Variants in EPB41L5 observed in about 807,000 individuals in gnomAD.
The protein encoded by EPB41L5 is erythrocyte membrane protein band 4.1 like 5.
Under a neutral mutation model 106.6 loss-of-function variants are expected in EPB41L5, and 55 were observed. The observed-to-expected ratio is 0.52, with a 90% CI of 0.42 to 0.65. The LOEUF (loss-of-function observed/expected upper bound fraction) is 0.65, where lower values mean the gene tolerates loss of function less well. EPB41L5 is among the 30% of genes least tolerant of loss of function. EPB41L5 has a pLI of 0.00. For missense variants in EPB41L5, 871 were observed against 882.1 expected (o/e 0.99, Z 0.16); for synonymous variants, 297 against 306.7 (o/e 0.97, Z 0.33).
At chr2:120,036,154 CCT>C (rs1679025944) in intron 2 of EPB41L5, among the ~76,000 whole-genome samples, 1 of 152,132 alleles carries the variant, frequency 6.6e-6, no homozygotes, top group African/African-American at 2.4e-5. Flanking sequence ...AAGTTTCTCA[CCT>C]CTAAAAATCC....
chr2:120,027,302 T>A (rs1386986655), intron 2 of EPB41L5, among the ~76,000 whole-genome samples: 1 of 152,196 alleles, frequency 6.6e-6, no homozygotes, highest in African/African-American at 2.4e-5. Flanking sequence ...TGCTCATCAA[T>A]AGGTAAATGG....
intron 3 of EPB41L5, among the ~76,000 whole-genome samples, chr2:120,051,772 A>C (rs566852736): frequency 6.6e-6 from 1 of 152,198 alleles, no homozygotes; most frequent in South Asian, 2.1e-4. Context: ...TTCTCTCTAC[A>C]CTGGGTGATG....
chr2:120,161,093 A>G (rs983792801), intron 21 of EPB41L5, 119 bp downstream of exon 21: 3 of 742,804 alleles, frequency 4.0e-6, no homozygotes, highest in Non-Finnish European at 7.0e-6. Flanking sequence ...ATGTGAGAAG[A>G]GCAGCCGAGC....
chr2:120,159,582 G>A (rs1460378272), intron 20 of EPB41L5, among the ~76,000 whole-genome samples: 1 of 151,922 alleles, frequency 6.6e-6, no homozygotes, highest in African/African-American at 2.4e-5. Context: ...CCAAAAAAAA[G>A]CCCAAATAGC....
At chr2:120,065,358 C>T (rs967731109) in intron 3 of EPB41L5, among the ~76,000 whole-genome samples, 5 of 151,882 alleles carry the variant, frequency 3.3e-5, no homozygotes, top group Admixed American at 6.6e-5. Context: ...TGGCCTCAAA[C>T]GATGCCCCTG....
intron 2 of EPB41L5, among the ~76,000 whole-genome samples, chr2:120,038,195 A>G (rs1056048923): frequency 1.3e-5 from 2 of 152,214 alleles, no homozygotes; most frequent in Non-Finnish European, 2.9e-5. Context: ...ACCAAAAGCC[A>G]ATTCGAAAAT....
intron 2 of EPB41L5, among the ~76,000 whole-genome samples, chr2:120,025,315 G>A (rs1406114553): frequency 1.3e-5 from 2 of 152,140 alleles, no homozygotes; most frequent in Non-Finnish European, 2.9e-5. Context: ...ATGGTAGTTT[G>A]TATTTCTGTG....
chr2:120,151,536 C>T (rs1686673234), intron 20 of EPB41L5, among the ~76,000 whole-genome samples: 1 of 151,728 alleles, frequency 6.6e-6, no homozygotes, highest in African/African-American at 2.4e-5. Context: ...TACAAAACAC[C>T]ACTGACCTCA....
Position 120,022,701 on chromosome 2 carries a change from A to G in EPB41L5, c.180+3437A>G, listed in dbSNP as rs901898303. ...ATAATTCTTTGGGTATATACCCAGTAATGGAATTGCTGAGTCAGGTGATAT... is the reference window on the plus strand; with the variant it reads ...ATAATTCTTTGGGTATATACCCAGTGATGGAATTGCTGAGTCAGGTGATAT... On this transcript the variant is annotated intron_variant, in intron 2 of 24. Coordinates refer to ENST00000263713, the MANE Select transcript of EPB41L5 (RefSeq NM_020909.4). Among the ~76,000 whole-genome samples, 4 of 152,182 alleles carry G rather than the reference A, an allele frequency of 2.6e-5. No individual in the cohort carries two copies. The South Asian group carries it at 6.2e-4, about 24-fold the overall frequency.
intron 2 of EPB41L5, among the ~76,000 whole-genome samples, chr2:120,028,338 A>T (rs550057632): frequency 1.4e-4 from 22 of 152,084 alleles, no homozygotes; most frequent in African/African-American, 5.3e-4. Context: ...GAGTTTGACT[A>T]GTCTGGGCAA....
chr2:120,134,991 G>C (rs911544519), intron 18 of EPB41L5, among the ~76,000 whole-genome samples: 1 of 152,124 alleles, frequency 6.6e-6, no homozygotes, highest in Non-Finnish European at 1.5e-5. Context: ...GACAGAGAGA[G>C]ATATGTGACC....
chr2:120,165,967 C>CAAAAAA (rs536664071), intron 22 of EPB41L5, among the ~76,000 whole-genome samples: 4 of 27,986 alleles, frequency 1.4e-4, no homozygotes, highest in East Asian at 1.9e-3. Flanking sequence ...GACTCCGTCT[C>CAAAAAA]AAAAAAAAAA....
chr2:120,177,121 A>AT lies in EPB41L5; in HGVS notation c.*2214_*2215insT, dbSNP rs1687947813. 6.6e-6 allele frequency: 1 copy of AT among 152,300 alleles called. No individual in the cohort carries two copies. The highest frequency in any genetic ancestry group is 2.4e-5 in the African/African-American group (1 of 41,470). The allele number at this position is 152,300 out of a possible 1,614,324, so 9.4% of individuals were successfully genotyped here. A position where few individuals can be genotyped will look rare whatever the true frequency, so the allele number is the denominator to read the frequency against. ...CATAGCTGCTGCTGCTGCCATGCGC[A>AT]GAGCTGCTGTAACAGCTCTTCCTGT... On this transcript the variant is annotated 3_prime_UTR_variant, in exon 25 of 25. Transcript: ENST00000263713.
In EPB41L5 at chr2:120,127,739, G is replaced by A. The variant is rs116902213; in HGVS notation, c.1389G>A (p.Thr463=). Residue 463 remains threonine, a synonymous_variant, in exon 17 of 25, where the codon ACG becomes ACA. Transcript: ENST00000263713. The part of the protein sequence containing the change: ...LLNSPDLLEA[T]IGDVIGASDT... ...ATAGCCCAGACTTATTGGAAGCAAC[G>A]ATTGGTGATGTAATTGGGGCATCTG... is the stretch of plus-strand genomic sequence containing the variant. The A allele has an allele frequency of 1.5e-5, 24 of 1,613,614 alleles. No homozygotes were observed. The highest frequency in any genetic ancestry group is 7.7e-5 in the South Asian group (7 of 91,020).
chr2:120,115,500 C>T (rs1228256381), intron 16 of EPB41L5, among the ~76,000 whole-genome samples: 1 of 151,632 alleles, frequency 6.6e-6, no homozygotes, highest in Non-Finnish European at 1.5e-5. Flanking sequence ...CACCTCCTGC[C>T]TCAGCCTCCT....
intron 2 of EPB41L5, among the ~76,000 whole-genome samples, chr2:120,039,396 A>T (rs1679250083): frequency 6.6e-6 from 1 of 152,182 alleles, no homozygotes; most frequent in Non-Finnish European, 1.5e-5. Context: ...TTTCAATGGC[A>T]CTGAATTTTA....
In EPB41L5 at chr2:120,157,790, CA is replaced by C. The variant is rs950407156; in HGVS notation, c.1794-3084del. On this transcript the variant is annotated intron_variant, in intron 20 of 24. Transcript: ENST00000263713. ...TCTCAAAAAAAAAAAAAAAAAAATC[CA>C]AAAAAACCACAAAAGATCAATGAAT... Among the ~76,000 whole-genome samples the C allele has an allele frequency of 4.7e-5, 7 of 147,534 alleles. No homozygotes were observed. In the South Asian group the frequency reaches 1.3e-3, roughly 27 times the overall value.
chr2:120,054,298 C>G (rs1346668744), intron 3 of EPB41L5, among the ~76,000 whole-genome samples: 1 of 152,044 alleles, frequency 6.6e-6, no homozygotes, highest in African/African-American at 2.4e-5. Flanking sequence ...TTTGTATTTT[C>G]TGGGTACTCA....
At chr2:120,060,253 G>T (rs186317048) in intron 3 of EPB41L5, among the ~76,000 whole-genome samples, 1 of 152,136 alleles carries the variant, frequency 6.6e-6, no homozygotes, top group Admixed American at 6.5e-5. Context: ...CTAATCAGTT[G>T]TATGCCTGAC....
Sources: gnomAD v4.1 joint callset for allele counts (sites outside exome capture counted in the v4.1 genomes callset) on GRCh38, gnomAD v4.1.1 for gene constraint, MANE v1.5 for transcripts, NCBI Gene and HGNC (gene_info 2026-07-23, HGNC 2026-07-21) for gene names.